The following NRXN3 variants were observed in gnomAD, a reference collection of about 807,000 sequenced individuals.
NRXN3 encodes neurexin III.
A neutral mutation model predicts 137.6 loss-of-function variants in NRXN3; 32 were observed. That is an observed-to-expected ratio of 0.23 (90% CI 0.18 to 0.31). The LOEUF (loss-of-function observed/expected upper bound fraction) is 0.31, where lower values mean the gene tolerates loss of function less well. Among genes scored for constraint, NRXN3 ranks in the 10% least tolerant of loss-of-function variants. The probability of loss-of-function intolerance (pLI) is 1.00; values close to 1 mark genes in which losing one functional copy is unlikely to be tolerated. For synonymous variants in NRXN3, 798 were observed against 784.5 expected, an observed-to-expected ratio of 1.02 and a Z score of -0.29; for missense variants, 1,574 against 2,062.5, an observed-to-expected ratio of 0.76 and a Z score of 4.59.
At chr14:78,788,210 C>A (rs538019718) in intron 8 of NRXN3, among the ~76,000 whole-genome samples, 2 of 152,206 alleles carry the variant, frequency 1.3e-5, no homozygotes, top group East Asian at 1.9e-4. Flanking sequence ...AAGCAATGGG[C>A]CACCTCTAGA....
At chr14:79,019,684 G>T (rs2099585468) in intron 15 of NRXN3, among the ~76,000 whole-genome samples, 2 of 152,314 alleles carry the variant, frequency 1.3e-5, no homozygotes, top group South Asian at 4.1e-4. Context: ...GGCCCATGGA[G>T]TGGAGTTTTG....
intron 10 of NRXN3, among the ~76,000 whole-genome samples, chr14:78,917,988 G>GAAAAAAAAA (rs71131666): frequency 1.9e-5 from 2 of 107,484 alleles, no homozygotes; most frequent in East Asian, 2.5e-4. Context: ...ATAAAAAAAT[G>GAAAAAAAAA]AAAAAAAAAA....
intron 4 of NRXN3, among the ~76,000 whole-genome samples, chr14:78,534,952 T>A (rs2096518864): frequency 6.6e-6 from 1 of 152,200 alleles, no homozygotes; most frequent in Non-Finnish European, 1.5e-5. Context: ...ATTTTCCCCT[T>A]CCGCATATGT....
intron 15 of NRXN3, among the ~76,000 whole-genome samples, chr14:79,427,991 G>A (rs952705374): frequency 5.9e-5 from 9 of 152,110 alleles, no homozygotes; most frequent in Admixed American, 2.0e-4. Flanking sequence ...GCACGTGTGT[G>A]TGTGCGTGTG....
intron 4 of NRXN3, among the ~76,000 whole-genome samples, chr14:78,346,313 C>G (rs1296223187): frequency 6.6e-6 from 1 of 151,830 alleles, no homozygotes; most frequent in Admixed American, 6.6e-5. Flanking sequence ...TGTATTTGCT[C>G]CTAAAATCAG....
chr14:79,689,458 A>C (rs2154023545), intron 17 of NRXN3, among the ~76,000 whole-genome samples: 1 of 152,248 alleles, frequency 6.6e-6, no homozygotes, highest in South Asian at 2.1e-4. Flanking sequence ...AAAGAGACTA[A>C]GAACAATGTT....
At chr14:78,929,786 A>T (rs1440842615) in intron 10 of NRXN3, among the ~76,000 whole-genome samples, 2 of 152,212 alleles carry the variant, frequency 1.3e-5, no homozygotes, top group African/African-American at 4.8e-5. Context: ...GACCTTCCTT[A>T]TAAGGGAAGC....
intron 16 of NRXN3, among the ~76,000 whole-genome samples, chr14:79,655,263 C>A (rs962003385): frequency 1.3e-5 from 2 of 152,128 alleles, no homozygotes; most frequent in Non-Finnish European, 2.9e-5. Flanking sequence ...GAGAAAATGG[C>A]ATAGGACATG....
At chr14:79,322,649 T>G (rs1025352305) in intron 15 of NRXN3, among the ~76,000 whole-genome samples, 6 of 152,240 alleles carry the variant, frequency 3.9e-5, no homozygotes, top group African/African-American at 9.6e-5. Flanking sequence ...GAGTCTATCT[T>G]CTTACATTAA....
At chr14:79,390,588 C>A (rs1488697112) in intron 15 of NRXN3, among the ~76,000 whole-genome samples, 1 of 152,130 alleles carries the variant, frequency 6.6e-6, no homozygotes, top group African/African-American at 2.4e-5. Context: ...TCTTTCCCAG[C>A]CTTATAAGAA....
At chr14:79,358,553 C>T (rs1312137683) in intron 15 of NRXN3, among the ~76,000 whole-genome samples, 6 of 101,046 alleles carry the variant, frequency 5.9e-5, no homozygotes, top group Non-Finnish European at 1.1e-4. Flanking sequence ...CAGCCTGACT[C>T]TGTCTCAAAA....
chr14:79,061,570 T>C (rs546983589), intron 15 of NRXN3, among the ~76,000 whole-genome samples: 87 of 152,312 alleles, frequency 5.7e-4, no homozygotes, highest in Non-Finnish European at 9.6e-4. Context: ...AGGACGACCA[T>C]TGCTTGGGAG....
intron 8 of NRXN3, among the ~76,000 whole-genome samples, chr14:78,757,849 G>C (rs1236600163): frequency 6.6e-6 from 1 of 152,172 alleles, no homozygotes; most frequent in East Asian, 1.9e-4. Context: ...GGGCATATGG[G>C]AGCTTACATT....
intron 15 of NRXN3, among the ~76,000 whole-genome samples, chr14:79,449,784 GT>G (rs1472896960): frequency 6.6e-6 from 1 of 152,124 alleles, no homozygotes; most frequent in African/African-American, 2.4e-5. Context: ...GAGGTCAGGA[GT>G]TTGAGACCAG....
chr14:78,335,887 G>T (rs1304164404), intron 4 of NRXN3, among the ~76,000 whole-genome samples: 1 of 152,208 alleles, frequency 6.6e-6, no homozygotes, highest in Non-Finnish European at 1.5e-5. Flanking sequence ...AGTCTAGAGA[G>T]AGCATCGCTA....
intron 10 of NRXN3, among the ~76,000 whole-genome samples, chr14:78,940,110 C>T (rs916994500): frequency 2.6e-5 from 4 of 152,150 alleles, no homozygotes; most frequent in African/African-American, 9.7e-5. Flanking sequence ...CATCTTTAGA[C>T]TCATTTCCTA....
intron 16 of NRXN3, among the ~76,000 whole-genome samples, chr14:79,585,850 CTCTTAACGA>C (rs1255538295): frequency 1.1e-4 from 17 of 152,078 alleles, no homozygotes; most frequent in African/African-American, 4.1e-4. Flanking sequence ...CAGTAGTAGC[CTCTTAACGA>C]TGAGGTATGG....
chr14:79,562,082 AG>A (rs2097503119), intron 16 of NRXN3, among the ~76,000 whole-genome samples: 1 of 152,184 alleles, frequency 6.6e-6, no homozygotes, highest in Non-Finnish European at 1.5e-5. Flanking sequence ...AACATATATA[AG>A]TATCATATAA....
Position 79,862,104 on chromosome 14 carries a change from A to G in NRXN3, c.*140A>G, listed in dbSNP as rs2099414702. ...ATATAACCACGACTCTGGTGGGGAA[A>G]ACCGTTTTTTAAAGGACACACACAC... On this transcript the variant is annotated 3_prime_UTR_variant, in exon 21 of 21. Coordinates refer to ENST00000335750, the MANE Select transcript of NRXN3 (RefSeq NM_001330195.2). 1 of 734,164 alleles carries G rather than the reference A, an allele frequency of 1.4e-6. No homozygotes were observed. The highest frequency in any genetic ancestry group is 1.9e-5 in the South Asian group (1 of 52,622). 45.5% of individuals were successfully genotyped at this position (734,164 alleles called of 1,614,324 possible).
Sources: gnomAD v4.1 joint callset for allele counts (sites outside exome capture counted in the v4.1 genomes callset) on GRCh38, gnomAD v4.1.1 for gene constraint, MANE v1.5 for transcripts, NCBI Gene and HGNC (gene_info 2026-07-23, HGNC 2026-07-21) for gene names.